Variants in METTL15 observed in about 807,000 individuals in gnomAD.
METTL15 encodes methyltransferase 15, mitochondrial 12S rRNA N4-cytidine.
Under a neutral mutation model 38.3 loss-of-function variants are expected in METTL15, and 34 were observed. The ratio of observed to expected loss-of-function variants is 0.89; its 90% CI spans 0.68 to 1.18. The LOEUF is 1.18. Among genes scored for constraint, METTL15 ranks in the 50% most tolerant of loss-of-function variants. The pLI, the probability that METTL15 is intolerant of heterozygous loss-of-function variation, is 0.00. For synonymous variants in METTL15, 162 were observed against 170.9 expected (o/e 0.95, Z 0.41); for missense variants, 438 against 498.4 (o/e 0.88, Z 1.15).
At chr11:28,152,004 G>A (rs767029916) in intron 3 of METTL15, among the ~76,000 whole-genome samples, 3 of 151,946 alleles carry the variant, frequency 2.0e-5, no homozygotes, top group Non-Finnish European at 4.4e-5. Flanking sequence ...TCAATTCCCA[G>A]CGTGAGTGCC....
chr11:28,310,418 AG>A (rs1333658246), intron 6 of METTL15, among the ~76,000 whole-genome samples: 1 of 152,020 alleles, frequency 6.6e-6, no homozygotes, highest in African/African-American at 2.4e-5. Context: ...AGGCGTGCAA[AG>A]AATGCTTGTC....
At position 28,377,659 on chromosome 11, in the gene METTL15, C is replaced by T. The variant is rs1397869732; in HGVS notation, c.*358+15623C>T. 2.0e-5 allele frequency among the ~76,000 whole-genome samples: 3 copies of T among 152,310 alleles called. No individual in the cohort carries two copies. The East Asian group carries it at 5.8e-4, about 29-fold the overall frequency. On this transcript the variant is annotated intron_variant and NMD_transcript_variant, in intron 5 of 7. Coordinates refer to the METTL15 transcript ENST00000532947. ...CGTCTGAAGCCTTCTTCTCTCAGCT[C>T]GTCAAAGTCATTCTCTGTCCAGCTT...
intron 6 of METTL15, among the ~76,000 whole-genome samples, chr11:28,516,154 C>T (rs746009959): frequency 1.3e-5 from 2 of 152,118 alleles, no homozygotes; most frequent in African/African-American, 2.4e-5. Flanking sequence ...ACAGAAAATT[C>T]AAATTCAAGA....
chr11:28,447,470 G>C (rs1394404233), intron 6 of METTL15, among the ~76,000 whole-genome samples: 1 of 152,266 alleles, frequency 6.6e-6, no homozygotes, highest in East Asian at 1.9e-4. Flanking sequence ...ACTGTGGGGA[G>C]TCCTGGTGAT....
chr11:28,530,646 T>C (rs1321319853), downstream of METTL15, among the ~76,000 whole-genome samples: 1 of 152,060 alleles, frequency 6.6e-6, no homozygotes, highest in African/African-American at 2.4e-5. Context: ...ATGCGCACAA[T>C]TGACTTTCAG....
intron 6 of METTL15, among the ~76,000 whole-genome samples, chr11:28,492,299 G>T (rs1434291327): frequency 6.6e-6 from 1 of 152,086 alleles, no homozygotes; most frequent in African/African-American, 2.4e-5. Flanking sequence ...TCTGGGATTG[G>T]ATTGTTAGAC....
At chr11:28,122,331 A>ATGTG (rs1320191811) in intron 3 of METTL15, among the ~76,000 whole-genome samples, 6 of 64,646 alleles carry the variant, frequency 9.3e-5, no homozygotes, top group Admixed American at 1.3e-4. Flanking sequence ...AGATGTGTGT[A>ATGTG]TATGTGTGTG....
intron 6 of METTL15, among the ~76,000 whole-genome samples, chr11:28,317,815 A>G (rs1857533447): frequency 6.6e-6 from 1 of 152,228 alleles, no homozygotes. Flanking sequence ...AGTCATAAGA[A>G]AACCAAGGAT....
At chr11:28,518,890 C>T (rs540583432) in intron 6 of METTL15, among the ~76,000 whole-genome samples, 2 of 152,256 alleles carry the variant, frequency 1.3e-5, no homozygotes, top group South Asian at 4.2e-4. Context: ...GGATGTACAT[C>T]AGAGGGATAT....
chr11:28,131,888 T>TG (rs1849350678), intron 3 of METTL15, among the ~76,000 whole-genome samples: 1 of 152,316 alleles, frequency 6.6e-6, no homozygotes, highest in East Asian at 1.9e-4. Context: ...GCTATTTAGT[T>TG]GTTGTACTTG....
intron 3 of METTL15, among the ~76,000 whole-genome samples, chr11:28,338,919 A>G (rs567646192): frequency 4.6e-5 from 7 of 152,248 alleles, no homozygotes; most frequent in African/African-American, 1.7e-4. Context: ...AATGAAAAAG[A>G]TCTTGGAGGA....
intron 4 of METTL15, among the ~76,000 whole-genome samples, chr11:28,268,379 TC>T (rs994277981): frequency 1.3e-5 from 2 of 152,028 alleles, no homozygotes; most frequent in African/African-American, 4.8e-5. Flanking sequence ...AGGAGTTTTT[TC>T]CTGCTTCACC....
intron 6 of METTL15, among the ~76,000 whole-genome samples, chr11:28,315,506 T>C (rs1176878279): frequency 6.6e-6 from 1 of 152,182 alleles, no homozygotes; most frequent in Non-Finnish European, 1.5e-5. Context: ...GCATAAAAGT[T>C]TGGATAATTT....
At chr11:28,161,754 G>A (rs946186706) in intron 3 of METTL15, among the ~76,000 whole-genome samples, 2 of 152,052 alleles carry the variant, frequency 1.3e-5, no homozygotes, top group African/African-American at 2.4e-5. Context: ...CATAGGATGA[G>A]TGATAATTTT....
At chr11:28,455,769 C>T (rs1851163110) in intron 6 of METTL15, among the ~76,000 whole-genome samples, 1 of 152,128 alleles carries the variant, frequency 6.6e-6, no homozygotes, top group Non-Finnish European at 1.5e-5. Context: ...TTCACTGGTG[C>T]TATCTCGGCT....
chr11:28,161,082 G>T (rs1850440283), intron 3 of METTL15, among the ~76,000 whole-genome samples: 1 of 146,872 alleles, frequency 6.8e-6, no homozygotes, highest in Non-Finnish European at 1.5e-5. Context: ...AGATGACAGT[G>T]ATATAGTCAG....
chr11:28,194,291 T>G (rs1851827168), intron 3 of METTL15, among the ~76,000 whole-genome samples: 1 of 151,274 alleles, frequency 6.6e-6, no homozygotes, highest in African/African-American at 2.4e-5. Flanking sequence ...CTCTACCTCC[T>G]GGGTTCAAGC....
chr11:28,296,456 G>A (rs1856738041), intron 5 of METTL15, among the ~76,000 whole-genome samples: 1 of 152,014 alleles, frequency 6.6e-6, no homozygotes. Context: ...TTTAGTTTGA[G>A]AAAAATACAC....
chr11:28,374,116 T>C (rs1850278429), intron 5 of METTL15, among the ~76,000 whole-genome samples: 1 of 152,202 alleles, frequency 6.6e-6, no homozygotes, highest in Non-Finnish European at 1.5e-5. Context: ...TCCAGCTTTG[T>C]TCTTTTGGCT....
Sources: gnomAD v4.1 joint callset for allele counts (sites outside exome capture counted in the v4.1 genomes callset) on GRCh38, gnomAD v4.1.1 for gene constraint, MANE v1.5 for transcripts, NCBI Gene and HGNC (gene_info 2026-07-23, HGNC 2026-07-21) for gene names.